GAD1: variants seen among roughly 807,000 people sequenced by gnomAD.
GAD1 encodes the protein 67 kDa glutamic acid decarboxylase.
In GAD1, 35 loss-of-function variants were observed where a neutral mutation model predicts 75.2. The observed-to-expected ratio is 0.47, with a 90% CI of 0.36 to 0.62. The LOEUF is 0.62. Ranked by LOEUF, GAD1 falls within the 20% of genes least tolerant of loss-of-function variation. The pLI, the probability that GAD1 is intolerant of heterozygous loss-of-function variation, is 0.00. For missense variants in GAD1, 490 were observed against 758.5 expected, an observed-to-expected ratio of 0.65 and a Z score of 4.16; for synonymous variants, 257 against 271.9, an observed-to-expected ratio of 0.95 and a Z score of 0.54.
At chr2:170,833,255 AG>A (rs1000037893) in intron 5 of GAD1, among the ~76,000 whole-genome samples, 1 of 152,236 alleles carries the variant, frequency 6.6e-6, no homozygotes, top group African/African-American at 2.4e-5. Flanking sequence ...TGCTGGCCAA[AG>A]ATGCTTTTTA....
intron 3 of GAD1, among the ~76,000 whole-genome samples, chr2:170,825,021 T>C (rs925428532): frequency 1.3e-5 from 2 of 152,080 alleles, no homozygotes; most frequent in Non-Finnish European, 2.9e-5. Context: ...TGCTCTCTTT[T>C]TCTGGTTTCT....
chr2:170,851,405 T>A (rs1034746756), intron 12 of GAD1, among the ~76,000 whole-genome samples: 1 of 152,346 alleles, frequency 6.6e-6, no homozygotes, highest in South Asian at 2.1e-4. Flanking sequence ...CTTAGTTAAC[T>A]TTCCTTGGAA....
At chr2:170,815,485 G>A (rs1314800819), upstream of GAD1, among the ~76,000 whole-genome samples, 2 of 152,110 alleles carry the variant, frequency 1.3e-5, no homozygotes, top group African/African-American at 2.4e-5. Context: ...TGGAACTCTC[G>A]GTAATTTATA....
At chr2:170,838,958 G>A (rs577278082) in intron 6 of GAD1, among the ~76,000 whole-genome samples, 69 of 152,272 alleles carry the variant, frequency 4.5e-4, no homozygotes, top group Non-Finnish European at 9.1e-4. Flanking sequence ...TGGAGACAAG[G>A]CATTGTCTGA....
In GAD1 at chr2:170,845,450, T is replaced by C. The variant is rs1457973880; in HGVS notation, c.752-56T>C. 2.7e-5 allele frequency: 40 copies of C among 1,495,396 alleles called. No homozygotes were observed. The East Asian group carries it at 9.0e-4, about 34-fold the overall frequency. The allele number at this position is 1,495,396 out of a possible 1,614,324, so 92.6% of individuals were successfully genotyped here. A position where few individuals can be genotyped will look rare whatever the true frequency, so the allele number is the denominator to read the frequency against. On this transcript the variant is annotated intron_variant, in intron 7 of 16. Coordinates refer to ENST00000358196, the MANE Select transcript of GAD1 (RefSeq NM_000817.3). ...TGAGACACCAGCTCAGCGTTCGTTT[T>C]TAGAAACAATAATCAAAGAGCCCCA...
intron 3 of GAD1, among the ~76,000 whole-genome samples, chr2:170,823,572 G>C (rs1297802575): frequency 6.6e-6 from 1 of 152,138 alleles, no homozygotes. Context: ...CGTGGGGCAA[G>C]GCCAGGGCTG....
chr2:170,839,406 G>A (rs1456656643), intron 6 of GAD1, among the ~76,000 whole-genome samples: 1 of 152,070 alleles, frequency 6.6e-6, no homozygotes. Context: ...CCTAAAATGG[G>A]AGTTCGAGGC....
chr2:170,818,300 G>A lies in GAD1; in HGVS notation c.-63-229G>A, dbSNP rs1701766283. On this transcript the variant is annotated intron_variant, in intron 1 of 16. Transcript: ENST00000358196. The surrounding 1 kb of genome is among the most constrained non-coding windows in gnomAD (Gnocchi z 5.9). ...CGCCGATGCACCGCCAGACTCGAGA[G>A]CGGCCCAGGGCTACGCTCCCTGCGC... is the stretch of plus-strand genomic sequence containing the variant. 2.5e-6 allele frequency: 1 copy of A among 403,668 alleles called. No homozygotes were observed. Among genetic ancestry groups the A allele is most frequent in the Non-Finnish European group, 4.6e-6 (1 of 218,192 alleles). The allele number at this position is 403,668 out of a possible 1,614,324, so 25.0% of individuals were successfully genotyped here. A position where few individuals can be genotyped will look rare whatever the true frequency, so the allele number is the denominator to read the frequency against.
chr2:170,832,018 C>G (rs919018772), intron 5 of GAD1, among the ~76,000 whole-genome samples: 1 of 152,010 alleles, frequency 6.6e-6, no homozygotes, highest in South Asian at 2.1e-4. Context: ...CTAAAGAGAG[C>G]AGAATGACCC....
rs779472420 is a variant in GAD1, at chr2:170,831,030, C to G, written c.385C>G (p.Arg129Gly). The G allele has an allele frequency of 1.2e-6, 2 of 1,614,144 alleles. No homozygotes were observed. The change falls in exon 5 of 17, where the codon CGC becomes GGC. Residue 129 changes from arginine (R) to glycine (G), a missense_variant. This residue lies in a region of GAD1 where 165 missense variants were observed against 216.4 expected (regional missense o/e 0.76). Coordinates refer to ENST00000358196, the MANE Select transcript of GAD1 (RefSeq NM_000817.3). ...GGTGGACATACTCCTCAACTATGTC[C>G]GCAAGACATTTGATCGCTCCACCAA... ...EVVDILLNYV[R>G]KTFDRSTKVL...
At chr2:170,823,336 C>A (rs1404722850) in intron 3 of GAD1, among the ~76,000 whole-genome samples, 4 of 152,206 alleles carry the variant, frequency 2.6e-5, no homozygotes, top group African/African-American at 4.8e-5. Flanking sequence ...AGGGCGGTGG[C>A]AGTTTGCAGT....
chr2:170,855,805 G>A (rs775198593), intron 14 of GAD1, among the ~76,000 whole-genome samples: 7 of 149,578 alleles, frequency 4.7e-5, no homozygotes, highest in African/African-American at 1.2e-4. Context: ...CCCAGGAGGC[G>A]GAGGTTGCAG....
intron 10 of GAD1, 99 bp from the exon 11 acceptor site, chr2:170,847,577 C>T: frequency 1.2e-6 from 1 of 866,304 alleles, no homozygotes; most frequent in Non-Finnish European, 2.0e-6. Context: ...TTGCCATTTA[C>T]TGTTAGAAAT....
At chr2:170,842,634 T>C (rs1415676792) in intron 6 of GAD1, 5 of 1,614,104 alleles carry the variant, frequency 3.1e-6, no homozygotes, top group South Asian at 1.1e-5. Context: ...CAAAGCATGA[T>C]TGTGACCTCC....
chr2:170,832,801 C>G (rs922853334), intron 5 of GAD1, among the ~76,000 whole-genome samples: 7 of 152,196 alleles, frequency 4.6e-5, no homozygotes, highest in African/African-American at 1.4e-4. Flanking sequence ...CTCTTGCCTC[C>G]TTTTCTTGTT....
At chr2:170,829,183 G>A in intron 3 of GAD1, 1 of 453,196 alleles carries the variant, frequency 2.2e-6, no homozygotes, top group Non-Finnish European at 4.1e-6. Flanking sequence ...AGTGGAAGCT[G>A]TCCAACTTAC....
chr2:170,821,365 A>G (rs1199681697), intron 2 of GAD1, among the ~76,000 whole-genome samples: 1 of 152,160 alleles, frequency 6.6e-6, no homozygotes, highest in African/African-American at 2.4e-5. Context: ...CTCAGAGGAA[A>G]GGTGCTTGAT....
chr2:170,844,281 C>A, intron 7 of GAD1, 124 bp downstream of exon 7: 1 of 682,694 alleles, frequency 1.5e-6, no homozygotes, highest in Non-Finnish European at 2.7e-6. Flanking sequence ...CCTATTTTTT[C>A]AAGATGAAGG....
chr2:170,850,742 G>C (rs1033872057), intron 12 of GAD1, among the ~76,000 whole-genome samples: 6 of 152,218 alleles, frequency 3.9e-5, no homozygotes, highest in Non-Finnish European at 8.8e-5. Flanking sequence ...AATCTGGGCA[G>C]GGTGTAGTGG....
Sources: allele counts gnomAD v4.1 joint callset (sites outside exome capture counted in the v4.1 genomes callset), GRCh38; gene constraint gnomAD v4.1.1; regional missense constraint gnomAD v4.1.1; non-coding constraint Gnocchi (gnomAD v3.1); transcripts MANE v1.5; gene names NCBI Gene and HGNC (gene_info 2026-07-23, HGNC 2026-07-21).